The following VGLL4 variants were observed in gnomAD, a reference collection of about 807,000 sequenced individuals.
VGLL4 encodes vestigial like family member 4.
In VGLL4, 7 loss-of-function variants were observed where a neutral mutation model predicts 21.0. The observed-to-expected ratio is 0.33, with a 90% CI of 0.19 to 0.63. VGLL4 has a LOEUF of 0.63. VGLL4 is among the 20% of genes least tolerant of loss of function. The probability of loss-of-function intolerance (pLI) is 0.78; values close to 1 mark genes in which losing one functional copy is unlikely to be tolerated. For missense variants in VGLL4, 394 were observed against 425.7 expected (o/e 0.93, Z 0.66); for synonymous variants, 222 against 173.2 (o/e 1.28, Z -2.21).
intron 1 of VGLL4, among the ~76,000 whole-genome samples, chr3:11,642,105 C>T (rs189515642): frequency 3.8e-4 from 57 of 151,912 alleles, no homozygotes; most frequent in African/African-American, 1.3e-3. Context: ...TGGCTGCTTA[C>T]GGCTTTCTAA....
intron 2 of VGLL4, among the ~76,000 whole-genome samples, chr3:11,595,160 T>TCAAACAAA (rs370686701): frequency 8.2e-6 from 1 of 121,394 alleles, no homozygotes; most frequent in African/African-American, 3.2e-5. Context: ...AAACTCCATC[T>TCAAACAAA]CAAACAAACA....
intron 2 of VGLL4, among the ~76,000 whole-genome samples, chr3:11,599,960 T>C (rs1012814236): frequency 1.3e-5 from 2 of 152,194 alleles, no homozygotes; most frequent in East Asian, 1.9e-4. Flanking sequence ...TTATCTGTGA[T>C]GAAAGATAAA....
intron 1 of VGLL4, among the ~76,000 whole-genome samples, chr3:11,617,647 G>A (rs970671915): frequency 2.6e-5 from 4 of 152,182 alleles, no homozygotes; most frequent in African/African-American, 9.6e-5. Context: ...TGATCTTTCC[G>A]AAACAGGCCA....
At chr3:11,675,159 T>C (rs2076271981) in intron 2 of VGLL4, among the ~76,000 whole-genome samples, 1 of 152,062 alleles carries the variant, frequency 6.6e-6, no homozygotes, top group Non-Finnish European at 1.5e-5. Flanking sequence ...CTGGCCAACA[T>C]GGCGAAAACC....
In VGLL4 at chr3:11,654,575, A is replaced by G. The variant is rs1218226500; in HGVS notation, c.64+48396T>C. Among the ~76,000 whole-genome samples the G allele has an allele frequency of 5.9e-5, 9 of 152,358 alleles. No homozygotes were observed. The East Asian group carries it at 1.7e-3, about 29-fold the overall frequency. ...TAGCTTTGCAAAAGGCAGGCAAATA[A>G]AACGAGGTATGAGAAAAAGATCATT... On this transcript the variant is annotated intron_variant, in intron 2 of 5. Transcript: ENST00000273038.
At chr3:11,706,309 CTTA>C (rs2076760265) in intron 1 of VGLL4, among the ~76,000 whole-genome samples, 1 of 152,184 alleles carries the variant, frequency 6.6e-6, no homozygotes, top group African/African-American at 2.4e-5. Context: ...CTGCTGCAAC[CTTA>C]TTAATGAAAT....
chr3:11,641,147 A>G (rs995788237), intron 1 of VGLL4, among the ~76,000 whole-genome samples: 7 of 151,144 alleles, frequency 4.6e-5, no homozygotes, highest in African/African-American at 1.7e-4. Flanking sequence ...AAGACCAGAC[A>G]CATGGTTTAT....
intron 2 of VGLL4, among the ~76,000 whole-genome samples, chr3:11,681,283 G>A (rs1383750752): frequency 6.6e-6 from 1 of 152,146 alleles, no homozygotes; most frequent in Non-Finnish European, 1.5e-5. Context: ...ATTTTTAGTA[G>A]AGACGGGGTT....
chr3:11,622,768 C>T (rs745906175), intron 1 of VGLL4, among the ~76,000 whole-genome samples: 8 of 152,184 alleles, frequency 5.3e-5, no homozygotes, highest in Non-Finnish European at 1.2e-4. Flanking sequence ...AGTCTCACTT[C>T]AATTATGCTT....
chr3:11,584,101 A>C (rs1315171679), intron 2 of VGLL4, among the ~76,000 whole-genome samples: 1 of 152,268 alleles, frequency 6.6e-6, no homozygotes, highest in Non-Finnish European at 1.5e-5. Context: ...AAATTTTAAA[A>C]ATCTATATTT....
chr3:11,609,934 C>T (rs2075023872), intron 1 of VGLL4, among the ~76,000 whole-genome samples: 1 of 152,162 alleles, frequency 6.6e-6, no homozygotes, highest in Admixed American at 6.5e-5. Flanking sequence ...ATCTCTATGC[C>T]GTGCCGAACA....
chr3:11,582,525 T>C (rs548616286), intron 2 of VGLL4: 34 of 624,292 alleles, frequency 5.4e-5, no homozygotes, highest in South Asian at 3.2e-4. Flanking sequence ...GGAGGGTTTA[T>C]TTATAGAGGG....
rs1394822456 is a variant in VGLL4 at position 11,558,028 on chromosome 3, G to C, written c.*528C>G. 6.4e-6 allele frequency: 1 copy of C among 156,604 alleles called. No individual in the cohort carries two copies. Among genetic ancestry groups the C allele is most frequent in the Non-Finnish European group, 1.4e-5 (1 of 70,618 alleles). 9.7% of individuals were successfully genotyped at this position (156,604 alleles called of 1,614,324 possible). On this transcript the variant is annotated 3_prime_UTR_variant, in exon 5 of 5. Transcript: ENST00000430365. ...TCAGCAGTTTGCCCTCAGAGTTCTG[G>C]CATAACACATAAAGTTGTCAGGCAA...
intron 2 of VGLL4, among the ~76,000 whole-genome samples, chr3:11,593,946 G>C (rs536070286): frequency 3.9e-5 from 6 of 152,212 alleles, no homozygotes; most frequent in South Asian, 2.1e-4. Context: ...TTTGATCCCA[G>C]TGTGAGCCTA....
intron 1 of VGLL4, among the ~76,000 whole-genome samples, chr3:11,622,857 G>A (rs2125302812): frequency 6.6e-6 from 1 of 152,360 alleles, no homozygotes; most frequent in Admixed American, 6.5e-5. Context: ...GTGAGCTCAT[G>A]TAACTGAGAG....
intron 2 of VGLL4, among the ~76,000 whole-genome samples, chr3:11,573,367 GAA>G (rs1303282502): frequency 1.5e-5 from 2 of 134,814 alleles, no homozygotes; most frequent in Non-Finnish European, 3.3e-5. Flanking sequence ...AAGAAAGAAA[GAA>G]AGAAAGAAAG....
Position 11,590,329 on chromosome 3 carries a change from C to T in VGLL4, c.272+11504G>A, listed in dbSNP as rs147129526. On this transcript the variant is annotated intron_variant, in intron 2 of 4. Coordinates refer to ENST00000430365, the MANE Select transcript of VGLL4 (RefSeq NM_001128219.3). Reference sequence around the variant, plus strand: ...CAGATGTGCTTCTACATTGACCTGACGTAATAGGAGTTGGTTTGTCCTTTC... The same window carrying T: ...CAGATGTGCTTCTACATTGACCTGATGTAATAGGAGTTGGTTTGTCCTTTC... Among the ~76,000 whole-genome samples the T allele has an allele frequency of 1.4e-4, 22 of 152,268 alleles. No individual in the cohort carries two copies. The East Asian group carries it at 2.1e-3, about 15-fold the overall frequency.
intron 2 of VGLL4, among the ~76,000 whole-genome samples, chr3:11,589,703 A>G (rs774349247): frequency 1.7e-4 from 26 of 152,198 alleles, no homozygotes; most frequent in Middle Eastern, 3.2e-3. Flanking sequence ...GCAGTCTGAG[A>G]TTCGGACGCC....
intron 2 of VGLL4, among the ~76,000 whole-genome samples, chr3:11,667,308 C>A (rs1276647330): frequency 6.6e-6 from 1 of 152,222 alleles, no homozygotes; most frequent in African/African-American, 2.4e-5. Context: ...GTGCAAAATA[C>A]GATTGCTGAG....
Sources: allele counts gnomAD v4.1 joint callset (sites outside exome capture counted in the v4.1 genomes callset), GRCh38; gene constraint gnomAD v4.1.1; transcripts MANE v1.5; gene names NCBI Gene and HGNC (gene_info 2026-07-23, HGNC 2026-07-21).